Variants in CAPN13 observed in about 807,000 individuals in gnomAD.
CAPN13 encodes calpain 13.
A neutral mutation model predicts 98.4 loss-of-function variants in CAPN13; 90 were observed. The ratio of observed to expected loss-of-function variants is 0.92; its 90% CI spans 0.77 to 1.09. The LOEUF is 1.09. Among genes scored for constraint, CAPN13 ranks in the 50% least tolerant of loss-of-function variants. The pLI is 0.00. For missense variants in CAPN13, 887 were observed against 841.3 expected (o/e 1.05, Z -0.67); for synonymous variants, 330 against 305.5 (o/e 1.08, Z -0.84).
chr2:30,767,834 C>T (rs1334253974), intron 5 of CAPN13, among the ~76,000 whole-genome samples: 1 of 152,154 alleles, frequency 6.6e-6, no homozygotes, highest in African/African-American at 2.4e-5. Flanking sequence ...GCTATCACCA[C>T]CTCTAGGGCC....
Position 30,804,314 on chromosome 2 carries a change from C to A in CAPN13, c.-33+2988G>T, listed in dbSNP as rs937504809. 2.0e-5 allele frequency among the ~76,000 whole-genome samples: 3 copies of A among 152,200 alleles called. No homozygotes were observed. In the East Asian group the frequency reaches 5.8e-4, roughly 29 times the overall value. ...CTCCCTGCTTCATGCAATTCCCCTG[C>A]CTCAGCCTCCCAAGTAGCTGGGATT... On this transcript the variant is annotated intron_variant, in intron 1 of 22. Coordinates refer to ENST00000295055, the MANE Select transcript of CAPN13 (RefSeq NM_144575.3).
intron 8 of CAPN13, among the ~76,000 whole-genome samples, chr2:30,757,445 A>G (rs1672510298): frequency 6.6e-6 from 1 of 152,206 alleles, no homozygotes; most frequent in Non-Finnish European, 1.5e-5. Context: ...GTGGGCAGGC[A>G]CAGCTTTTCA....
At chr2:30,804,029 AG>A (rs757851324) in intron 1 of CAPN13, among the ~76,000 whole-genome samples, 82 of 152,318 alleles carry the variant, frequency 5.4e-4, no homozygotes, top group Middle Eastern at 3.4e-3. Context: ...TTTATTCAAC[AG>A]GGTTTGTGCA....
Position 30,745,729 on chromosome 2 carries a change from G to A in CAPN13, c.1242C>T (p.Gly414=). The change falls in exon 12 of 23, where the codon GGC becomes GGT. Residue 414 remains glycine (G), a synonymous_variant. Transcript: ENST00000295055. The part of the protein sequence containing the change: ...FPLDFQVILA[G]SQRFREKFPP... ...GGACGACGCTGAGCCATACCTGTGA[G>A]CCAGCCTGTTGGAAACAGGGAGAAA... 3 of 1,596,390 alleles carry A rather than the reference G, an allele frequency of 1.9e-6. No homozygotes were observed. The highest frequency in any genetic ancestry group is 1.7e-5 in the Admixed American group (1 of 59,676).
At chr2:30,800,311 C>T (rs1238306339) in intron 1 of CAPN13, among the ~76,000 whole-genome samples, 5 of 152,138 alleles carry the variant, frequency 3.3e-5, no homozygotes, top group South Asian at 4.1e-4. Context: ...AACAGCTTGG[C>T]GCAAGAGAGG....
At chr2:30,771,448 T>C (rs535720262) in intron 4 of CAPN13, among the ~76,000 whole-genome samples, 2 of 152,308 alleles carry the variant, frequency 1.3e-5, no homozygotes, top group East Asian at 3.9e-4. Flanking sequence ...TTGAGACAGA[T>C]ATGTCAGTGG....
intron 8 of CAPN13, among the ~76,000 whole-genome samples, chr2:30,754,702 C>T (rs1448602487): frequency 6.6e-6 from 1 of 152,132 alleles, no homozygotes; most frequent in Non-Finnish European, 1.5e-5. Flanking sequence ...TGAGGAGTCC[C>T]TCTCTCACAC....
At chr2:30,741,819 C>T (rs1200480729) in intron 15 of CAPN13, 89 bp downstream of exon 15, 1 of 1,602,220 alleles carries the variant, frequency 6.2e-7, no homozygotes, top group East Asian at 2.2e-5. Context: ...CTCCTCTCTG[C>T]ATCCCAGTAA....
intron 18 of CAPN13, among the ~76,000 whole-genome samples, chr2:30,735,820 C>A (rs894768066): frequency 2.2e-4 from 34 of 152,046 alleles, no homozygotes; most frequent in African/African-American, 7.5e-4. Flanking sequence ...ACAGATTATA[C>A]TTCTATTTGG....
Position 30,802,129 on chromosome 2 carries a change from C to T in CAPN13, c.-33+5173G>A, listed in dbSNP as rs571890558. Among the ~76,000 whole-genome samples the T allele has an allele frequency of 4.6e-5, 7 of 152,200 alleles. No homozygotes were observed. In the East Asian group the frequency reaches 5.8e-4, roughly 13 times the overall value. ...GCCTGACCTGTGGAGGCTGCAGAGG[C>T]GAGTAGGCTGAGCCCTGGACTGGGA... On this transcript the variant is annotated intron_variant, in intron 1 of 22. Coordinates refer to ENST00000295055, the MANE Select transcript of CAPN13 (RefSeq NM_144575.3).
intron 5 of CAPN13, among the ~76,000 whole-genome samples, chr2:30,767,631 G>C (rs1405977646): frequency 6.6e-6 from 1 of 152,186 alleles, no homozygotes; most frequent in Non-Finnish European, 1.5e-5. Flanking sequence ...CATGTGGATT[G>C]GTTCAACAAC....
chr2:30,780,130 A>G (rs1008209910), intron 2 of CAPN13, among the ~76,000 whole-genome samples: 14 of 152,238 alleles, frequency 9.2e-5, no homozygotes, highest in African/African-American at 3.4e-4. Context: ...ATAGTATTTT[A>G]AAGTTACCAA....
Position 30,758,046 on chromosome 2 carries a change from C to G in CAPN13, c.866G>C (p.Gly289Ala). Residue 289 changes from glycine (G) to alanine (A), a missense_variant and splice_region_variant, in exon 8 of 23, where the codon GGG (glycine) becomes GCG (alanine). By Grantham distance (60) the Gly-to-Ala change is moderately conservative. Transcript: ENST00000295055. ...GGAGAGAGGTTTCCAGAAGCCATAC[C>G]CATCACTCCAGCGCCCTCTCCATTC... The part of the protein sequence containing the change: ...EAEWRGRWSD[G>A]SQEWEETCDP... 1.2e-6 allele frequency: 2 copies of G among 1,603,086 alleles called. No homozygotes were observed. Among genetic ancestry groups the G allele is most frequent in the Non-Finnish European group, 1.7e-6 (2 of 1,176,164 alleles).
chr2:30,731,834 G>A (rs1188870773), intron 20 of CAPN13, among the ~76,000 whole-genome samples: 1 of 152,132 alleles, frequency 6.6e-6, no homozygotes, highest in Non-Finnish European at 1.5e-5. Context: ...CAATCTTTTT[G>A]CCCAGCTCAG....
At chr2:30,743,793 A>C (rs1167489246) in intron 12 of CAPN13, 19 of 675,102 alleles carry the variant, frequency 2.8e-5, no homozygotes, top group African/African-American at 7.0e-5. Flanking sequence ...GGATGCAAGG[A>C]AATACCACAC....
intron 1 of CAPN13, among the ~76,000 whole-genome samples, chr2:30,803,201 G>A (rs183417825): frequency 6.6e-6 from 1 of 152,344 alleles, no homozygotes; most frequent in East Asian, 1.9e-4. Context: ...AATGTTTGGC[G>A]AGAAGAACAG....
At position 30,773,023 on chromosome 2, in the gene CAPN13, A is replaced by G. The variant is rs540737017; in HGVS notation, c.388-2574T>C. ...GTATTTTTAGTAGAGATGGGGTTTCACCATGTTGGCCAGGATGGCTTCGAT... is the reference window on the plus strand; with the variant it reads ...GTATTTTTAGTAGAGATGGGGTTTCGCCATGTTGGCCAGGATGGCTTCGAT... On this transcript the variant is annotated intron_variant, in intron 4 of 22. Transcript: ENST00000295055. Among the ~76,000 whole-genome samples the G allele has an allele frequency of 5.9e-5, 9 of 152,170 alleles. No homozygotes were observed. The South Asian group carries it at 1.2e-3, about 21-fold the overall frequency.
intron 11 of CAPN13, among the ~76,000 whole-genome samples, chr2:30,748,439 A>T (rs796914170): frequency 1.6e-4 from 25 of 152,308 alleles, no homozygotes; most frequent in African/African-American, 6.0e-4. Flanking sequence ...TGCAGTGCAG[A>T]GGTGGGCAGG....
At chr2:30,745,341 C>T (rs960469258) in intron 12 of CAPN13, 13 of 495,956 alleles carry the variant, frequency 2.6e-5, no homozygotes, top group Middle Eastern at 3.1e-4. Flanking sequence ...AGCATGCATC[C>T]TGCTTATGGA....
Sources: gnomAD v4.1 joint callset for allele counts (sites outside exome capture counted in the v4.1 genomes callset) on GRCh38, gnomAD v4.1.1 for gene constraint, MANE v1.5 for transcripts, NCBI Gene and HGNC (gene_info 2026-07-23, HGNC 2026-07-21) for gene names.